LYRM4: variants seen among roughly 807,000 people sequenced by gnomAD.
LYRM4 encodes LYR motif-containing protein 4.
In LYRM4, 9 loss-of-function variants were observed where a neutral mutation model predicts 11.7. The observed-to-expected ratio is 0.77, with a 90% CI of 0.46 to 1.34. LYRM4 has a LOEUF of 1.34. Ranked by LOEUF, LYRM4 falls within the 40% of genes most tolerant of loss-of-function variation. The pLI, the probability that LYRM4 is intolerant of heterozygous loss-of-function variation, is 0.00. For missense variants in LYRM4, 133 were observed against 112.5 expected (o/e 1.18, Z -0.82); for synonymous variants, 42 against 40.4 (o/e 1.04, Z -0.15).
intron 2 of LYRM4, among the ~76,000 whole-genome samples, chr6:5,198,577 C>T (rs1175018955): frequency 6.6e-6 from 1 of 152,214 alleles, no homozygotes; most frequent in Non-Finnish European, 1.5e-5. Flanking sequence ...CAGTGAGAGA[C>T]AGGATTCTTA....
chr6:5,140,802 G>C (rs1253131072), intron 2 of LYRM4, among the ~76,000 whole-genome samples: 5 of 152,182 alleles, frequency 3.3e-5, no homozygotes, highest in African/African-American at 1.2e-4. Context: ...AAAAATAAAA[G>C]AGGTAACACG....
the LYRM4 span, among the ~76,000 whole-genome samples, chr6:5,052,617 G>C: frequency 1.3e-5 from 2 of 152,138 alleles, no homozygotes; most frequent in Non-Finnish European, 2.9e-5. Context: ...ACTTCAGGAA[G>C]GTAGTTTTAA....
chr6:5,122,629 G>A (rs1044067434), intron 2 of LYRM4, among the ~76,000 whole-genome samples: 13 of 152,118 alleles, frequency 8.5e-5, no homozygotes, highest in African/African-American at 2.9e-4. Context: ...TCCTCTCGCC[G>A]ACCCAGTGCT....
chr6:5,086,049 G>GC, the LYRM4 span: 3 of 1,481,910 alleles, frequency 2.0e-6, no homozygotes, highest in Non-Finnish European at 2.7e-6. Flanking sequence ...CAGTGGCCGC[G>GC]CCCCTTTCAG....
chr6:5,118,989 GGAATACT>G (rs1226454150), intron 2 of LYRM4, among the ~76,000 whole-genome samples: 1 of 152,200 alleles, frequency 6.6e-6, no homozygotes, highest in Non-Finnish European at 1.5e-5. Context: ...CATCCGAACT[GGAATACT>G]GAAACTTCAA....
chr6:5,042,256 T>A, the LYRM4 span, among the ~76,000 whole-genome samples: 1 of 152,166 alleles, frequency 6.6e-6, no homozygotes, highest in Non-Finnish European at 1.5e-5. Flanking sequence ...TCCAACCTAA[T>A]TTTTTTTAAT....
At chr6:5,048,506 G>T in the LYRM4 span, among the ~76,000 whole-genome samples, 1 of 152,098 alleles carries the variant, frequency 6.6e-6, no homozygotes, top group Non-Finnish European at 1.5e-5. Context: ...GTAGAAACAG[G>T]GTTGGTTGCC....
chr6:5,066,310 A>G, the LYRM4 span: 1 of 717,292 alleles, frequency 1.4e-6, no homozygotes, highest in Non-Finnish European at 2.6e-6. Flanking sequence ...AAACATATTT[A>G]GTTCTATTCG....
At chr6:5,145,714 AG>A (rs1757683411) in intron 2 of LYRM4, among the ~76,000 whole-genome samples, 1 of 152,246 alleles carries the variant, frequency 6.6e-6, no homozygotes, top group Non-Finnish European at 1.5e-5. Context: ...AGAAAACATC[AG>A]AAAGGTCACC....
At chr6:5,243,554 C>T (rs1268837804) in intron 1 of LYRM4, among the ~76,000 whole-genome samples, 1 of 152,128 alleles carries the variant, frequency 6.6e-6, no homozygotes, top group East Asian at 1.9e-4. Context: ...CTCTTATTCC[C>T]TAGGGTTAGA....
At chr6:5,146,593 C>T (rs767462186) in intron 2 of LYRM4, among the ~76,000 whole-genome samples, 3 of 152,094 alleles carry the variant, frequency 2.0e-5, no homozygotes, top group South Asian at 2.1e-4. Context: ...CCCCCTGAAG[C>T]GGGCCTCTTC....
intron 1 of LYRM4, among the ~76,000 whole-genome samples, chr6:5,245,114 ATATATATAT>A (rs1388038376): frequency 2.5e-4 from 3 of 12,032 alleles, no homozygotes; most frequent in African/African-American, 3.0e-4. Context: ...AAAAAAAAAA[ATATATATAT>A]ATATATATAT....
chr6:5,126,425 C>A (rs1763702007), intron 2 of LYRM4, among the ~76,000 whole-genome samples: 1 of 152,116 alleles, frequency 6.6e-6, no homozygotes, highest in Admixed American at 6.5e-5. Flanking sequence ...CAGATAACAG[C>A]CCAGAGAAAT....
At chr6:5,253,451 C>A (rs143153926) in intron 1 of LYRM4, among the ~76,000 whole-genome samples, 2 of 151,058 alleles carry the variant, frequency 1.3e-5, no homozygotes, top group East Asian at 3.9e-4. Context: ...TAATGACTTG[C>A]TGTTTATGTT....
chr6:5,040,945 G>T, the LYRM4 span, among the ~76,000 whole-genome samples: 3 of 151,998 alleles, frequency 2.0e-5, no homozygotes, highest in African/African-American at 7.2e-5. Context: ...CATGCATAAA[G>T]AGCCCCATAT....
downstream of LYRM4, among the ~76,000 whole-genome samples, chr6:5,101,257 A>G (rs1012310489): frequency 2.6e-5 from 4 of 152,200 alleles, no homozygotes; most frequent in Admixed American, 2.6e-4. Context: ...GAACTCGTAC[A>G]GCTATTTACA....
At chr6:5,169,195 C>T (rs1345216103) in intron 2 of LYRM4, among the ~76,000 whole-genome samples, 7 of 152,110 alleles carry the variant, frequency 4.6e-5, no homozygotes, top group African/African-American at 1.4e-4. Flanking sequence ...TCTAGAGTAG[C>T]GGTGATTACA....
chr6:5,224,385 GT>G (rs1275655234), intron 1 of LYRM4, among the ~76,000 whole-genome samples: 1 of 152,196 alleles, frequency 6.6e-6, no homozygotes, highest in Non-Finnish European at 1.5e-5. Flanking sequence ...ATTACCTGCA[GT>G]TTTTGAAAAG....
chr6:5,038,490 T>C, the LYRM4 span, among the ~76,000 whole-genome samples: 245 of 64,846 alleles, frequency 3.8e-3, 64 homozygotes, highest in Non-Finnish European at 7.1e-3. Flanking sequence ...GGGTGGCGGC[T>C]GGGCAGAGGC....
Sources: allele counts gnomAD v4.1 joint callset (sites outside exome capture counted in the v4.1 genomes callset), GRCh38; gene constraint gnomAD v4.1.1; transcripts MANE v1.5; gene names NCBI Gene and HGNC (gene_info 2026-07-23, HGNC 2026-07-21).